Variants in COL6A2 observed in about 807,000 individuals in gnomAD.
COL6A2 encodes collagen type VI alpha 2 chain.
In COL6A2, 90 loss-of-function variants were observed where a neutral mutation model predicts 124.9. That is an observed-to-expected ratio of 0.72 (90% confidence interval 0.61 to 0.86). COL6A2 has a LOEUF of 0.86. Ranked by LOEUF, COL6A2 falls within the 40% of genes least tolerant of loss-of-function variation. The pLI, the probability that COL6A2 is intolerant of heterozygous loss-of-function variation, is 0.00. For missense variants in COL6A2, 1,607 were observed against 1,502.5 expected, an observed-to-expected ratio of 1.07 and a Z score of -1.15; for synonymous variants, 793 against 618.2, an observed-to-expected ratio of 1.28 and a Z score of -4.19.
At chr21:46,129,365 C>G in intron 27 of COL6A2, 1 of 1,612,980 alleles carries the variant, frequency 6.2e-7, no homozygotes, top group South Asian at 1.1e-5. Context: ...TGGTCTACAC[C>G]GCCGAGCGGG....
intron 27 of COL6A2, among the ~76,000 whole-genome samples, chr21:46,127,706 G>C (rs1313162440): frequency 7.1e-6 from 1 of 140,634 alleles, no homozygotes; most frequent in East Asian, 2.1e-4. Flanking sequence ...GATGGTCACT[G>C]TGGGTGCTTT....
chr21:46,122,810 T>TCAGGGC (rs2078587491), intron 20 of COL6A2, 65 bp from the exon 21 acceptor site: 1 of 1,497,366 alleles, frequency 6.7e-7, no homozygotes, highest in African/African-American at 1.4e-5. Context: ...CACATAAAAA[T>TCAGGGC]CTCACTGGTG....
intron 1 of COL6A2, chr21:46,098,733 C>G (rs1644942360): frequency 6.6e-6 from 1 of 152,102 alleles, no homozygotes; most frequent in Admixed American, 6.5e-5. Flanking sequence ...CGCCCCATCG[C>G]TGCGCCCCTC....
At chr21:46,102,526 T>C (rs2078298200) in intron 1 of COL6A2, among the ~76,000 whole-genome samples, 1 of 152,176 alleles carries the variant, frequency 6.6e-6, no homozygotes, top group South Asian at 2.1e-4. Flanking sequence ...TCACTGTGGC[T>C]TTTTCGTATA....
In COL6A2 at chr21:46,119,982, G is replaced by A. The variant is rs568346920; in HGVS notation, c.1332+132G>A. The A allele has an allele frequency of 1.0e-4, 87 of 837,826 alleles. 1 individual carries two copies. Among genetic ancestry groups the A allele is most frequent in the South Asian group, 9.2e-4 (63 of 68,130 alleles). 51.9% of individuals were successfully genotyped at this position (837,826 alleles called of 1,614,324 possible). On this transcript the variant is annotated intron_variant, in intron 15 of 27. Transcript: ENST00000300527. ...CCTCACTCTCCAGAGTTCACTCTCT[G>A]CAGAGTCTGGGAATGCAGCCCTGAG...
intron 1 of COL6A2, among the ~76,000 whole-genome samples, chr21:46,103,403 G>C (rs1377442647): frequency 6.6e-6 from 1 of 151,950 alleles, no homozygotes; most frequent in African/African-American, 2.4e-5. Flanking sequence ...TCTATTATCT[G>C]TCTGTTCTCC....
intron 1 of COL6A2, chr21:46,099,046 T>G (rs1352241032): frequency 6.6e-6 from 1 of 152,282 alleles, no homozygotes; most frequent in Non-Finnish European, 1.5e-5. Context: ...GACCTTCCCT[T>G]TGGGGTCGGA....
Position 46,116,079 on chromosome 21 carries a change from G to A in COL6A2, c.900+26G>A, listed in dbSNP as rs1325675619. The A allele has an allele frequency of 7.1e-6, 11 of 1,559,120 alleles. No homozygotes were observed. The South Asian group carries it at 1.1e-4, about 15-fold the overall frequency. On this transcript the variant is annotated intron_variant, in intron 7 of 27. Transcript: ENST00000300527. This position sits in a 1 kb window ranked among gnomAD's most constrained non-coding sequence, Gnocchi z 4.6. The stretch of plus-strand genomic sequence containing the variant: ...GTGAGTGACCTCGGCCAGGGGCTTG[G>A]CTCCACCCTGAGGCCCCAGCACTGC...
rs1382880985 is a variant in COL6A2 at position 46,129,361 on chromosome 21, A to G, written c.2462-2593A>G. The G allele has an allele frequency of 3.1e-6, 5 of 1,612,768 alleles. No individual in the cohort carries two copies. The African/African-American group carries it at 6.7e-5, about 22-fold the overall frequency. On this transcript the variant is annotated intron_variant, in intron 27 of 27. Coordinates refer to ENST00000300527, the MANE Select transcript of COL6A2 (RefSeq NM_001849.4). ...TCCCAGCTGGTGGCCGTGCTGGTCTACACCGCCGAGCGGGCCAAGTTCGCC... is the reference window on the plus strand; with the variant it reads ...TCCCAGCTGGTGGCCGTGCTGGTCTGCACCGCCGAGCGGGCCAAGTTCGCC...
At chr21:46,124,033 A>G (rs1035310341) in intron 21 of COL6A2, among the ~76,000 whole-genome samples, 1 of 128,578 alleles carries the variant, frequency 7.8e-6, no homozygotes, top group African/African-American at 3.1e-5. Context: ...GGATGGACAG[A>G]CGGACAGTGG....
chr21:46,131,407 C>T (rs761644653), intron 27 of COL6A2, among the ~76,000 whole-genome samples: 1 of 152,208 alleles, frequency 6.6e-6, no homozygotes, highest in Non-Finnish European at 1.5e-5. Flanking sequence ...GTCTGGCTGC[C>T]CCTGTGCCCA....
At position 46,116,691 on chromosome 21, in the gene COL6A2, GT is replaced by G; in HGVS notation, c.954+15del. Reference sequence around the variant, plus strand: ...GACGGTCGCAAGGTAGGCTGGCTGGGTAGGCAGAGCCCCTCCTTCCTGCTGC... The same window carrying G: ...GACGGTCGCAAGGTAGGCTGGCTGGGAGGCAGAGCCCCTCCTTCCTGCTGC... On this transcript the variant is annotated intron_variant, in intron 9 of 27. Transcript: ENST00000300527. The surrounding 1 kb of genome is among the most constrained non-coding windows in gnomAD (Gnocchi z 4.6). 1 of 1,613,084 alleles carries G rather than the reference GT, an allele frequency of 6.2e-7. No homozygotes were observed. The highest frequency in any genetic ancestry group is 8.5e-7 in the Non-Finnish European group (1 of 1,180,026).
At chr21:46,123,598 A>G (rs1192459191) in intron 21 of COL6A2, among the ~76,000 whole-genome samples, 2 of 151,592 alleles carry the variant, frequency 1.3e-5, no homozygotes, top group East Asian at 3.9e-4. Flanking sequence ...GGGTGGATAG[A>G]AGATGGATGA....
chr21:46,128,784 G>T, intron 27 of COL6A2: 1 of 853,156 alleles, frequency 1.2e-6, no homozygotes, highest in South Asian at 1.3e-5. Context: ...GAGAGGCTGA[G>T]GAAGGGTTTA....
chr21:46,101,843 C>A (rs2078289807), intron 1 of COL6A2, among the ~76,000 whole-genome samples: 1 of 91,988 alleles, frequency 1.1e-5, no homozygotes, highest in Non-Finnish European at 2.1e-5. Context: ...TCTTATCTTT[C>A]ACGATTTTTT....
At chr21:46,099,938 C>T (rs2078271396) in intron 1 of COL6A2, among the ~76,000 whole-genome samples, 2 of 123,224 alleles carry the variant, frequency 1.6e-5, no homozygotes, top group South Asian at 5.5e-4. Context: ...AGGAATGATG[C>T]CTTGTTGGGG....
At chr21:46,117,293 G>A in intron 10 of COL6A2, 107 bp from the exon 11 acceptor site, 2 of 1,134,244 alleles carry the variant, frequency 1.8e-6, no homozygotes, top group Non-Finnish European at 2.6e-6. Context: ...CAGGAGGAGA[G>A]CGCTGCAGCC....
chr21:46,131,841 G>C (rs2078763902), intron 27 of COL6A2, 113 bp from the exon 28 acceptor site: 1 of 1,005,586 alleles, frequency 9.9e-7, no homozygotes, highest in South Asian at 1.4e-5. Context: ...AGAGCCCAGT[G>C]GTCTGTGAGG....
At chr21:46,117,510 C>T in intron 11 of COL6A2, 57 bp downstream of exon 11, 3 of 1,562,222 alleles carry the variant, frequency 1.9e-6, no homozygotes, top group South Asian at 1.1e-5. Flanking sequence ...GGGTGCCTGA[C>T]CGGGTGGGAG....
Sources: gnomAD v4.1 joint callset for allele counts (sites outside exome capture counted in the v4.1 genomes callset) on GRCh38, gnomAD v4.1.1 for gene constraint, Gnocchi (gnomAD v3.1) non-coding constraint, MANE v1.5 for transcripts, NCBI Gene and HGNC (gene_info 2026-07-23, HGNC 2026-07-21) for gene names.